Variants in GNB1L observed in about 807,000 individuals in gnomAD.
The protein encoded by GNB1L is guanine nucleotide-binding protein subunit beta-like protein 1.
A neutral mutation model predicts 29.1 loss-of-function variants in GNB1L; 20 were observed. The observed-to-expected ratio is 0.69, with a 90% CI of 0.48 to 1.00. The LOEUF (loss-of-function observed/expected upper bound fraction) is 1.00. Ranked by LOEUF, GNB1L falls within the 50% of genes least tolerant of loss-of-function variation. GNB1L has a pLI of 0.00. For missense variants in GNB1L, 421 were observed against 464.9 expected (o/e 0.91, Z 0.87); for synonymous variants, 193 against 206.5 (o/e 0.93, Z 0.56).
intron 2 of GNB1L, chr22:19,848,981 G>A: frequency 1.0e-6 from 1 of 985,616 alleles, no homozygotes; most frequent in Non-Finnish European, 1.2e-6. Flanking sequence ...AGGCCACAGT[G>A]CACTGGAGGT....
At chr22:19,801,832 C>T (rs1937375605) in intron 7 of GNB1L, among the ~76,000 whole-genome samples, 169 bp downstream of exon 7, 1 of 152,210 alleles carries the variant, frequency 6.6e-6, no homozygotes, top group African/African-American at 2.4e-5. Context: ...CCAGCGCCCA[C>T]GCCCCCTTCT....
chr22:19,802,686 T>C (rs1311850041), intron 6 of GNB1L, among the ~76,000 whole-genome samples: 2 of 152,238 alleles, frequency 1.3e-5, no homozygotes, highest in African/African-American at 4.8e-5. Flanking sequence ...TTACTGGGGC[T>C]GGTCACCTGT....
chr22:19,806,716 G>A lies in GNB1L; in HGVS notation c.459C>T (p.Ala153=), dbSNP rs1430809892. 6.2e-7 allele frequency: 1 copy of A among 1,613,728 alleles called. No individual in the cohort carries two copies. Among genetic ancestry groups the A allele is most frequent in the East Asian group, 2.2e-5 (1 of 44,892 alleles). ...GCTTGGCATCTGCCTTCGGCTTCAG[G>A]GCGCACACTGACGTCTTGGAGGGCA... The part of the protein sequence containing the change: ...LEMPSKTSVC[A]LKPKADAKLG... The change falls in exon 6 of 8, where the codon GCC becomes GCT. Residue 153 remains alanine, a synonymous_variant. Coordinates refer to ENST00000329517, the MANE Select transcript of GNB1L (RefSeq NM_053004.3).
At chr22:19,826,050 A>G (rs1937617516) in intron 2 of GNB1L, among the ~76,000 whole-genome samples, 1 of 152,366 alleles carries the variant, frequency 6.6e-6, no homozygotes, top group East Asian at 1.9e-4. Flanking sequence ...ACTAAGTAAA[A>G]GTGCAGCCTC....
At chr22:19,831,374 A>AC (rs1937677460) in intron 2 of GNB1L, among the ~76,000 whole-genome samples, 1 of 151,394 alleles carries the variant, frequency 6.6e-6, no homozygotes, top group African/African-American at 2.4e-5. Flanking sequence ...AAAAAAAAAA[A>AC]AAAACAATAA....
chr22:19,848,042 T>C, intron 2 of GNB1L: 3 of 985,454 alleles, frequency 3.0e-6, no homozygotes, highest in Non-Finnish European at 3.6e-6. Context: ...AAGTCCTCTA[T>C]TCTCTGCTCA....
chr22:19,840,700 C>G (rs1304915504), intron 2 of GNB1L, among the ~76,000 whole-genome samples: 1 of 152,018 alleles, frequency 6.6e-6, no homozygotes, highest in Non-Finnish European at 1.5e-5. Context: ...ATCCCAGCTA[C>G]TGGGGAGGCT....
chr22:19,851,414 C>G, intron 2 of GNB1L: 1 of 1,613,994 alleles, frequency 6.2e-7, no homozygotes, highest in Non-Finnish European at 8.5e-7. Context: ...TTCCACAGGA[C>G]CAGGCTTGGA....
In GNB1L at chr22:19,802,462, T is replaced by C. The variant is rs112260496; in HGVS notation, c.517-246A>G. Reference sequence around the variant, plus strand: ...TTAGGGCACCCCAAGGACATAGGGGTGGAGGGCAGAGAGCCAAGCCCAAGG... The same window carrying C: ...TTAGGGCACCCCAAGGACATAGGGGCGGAGGGCAGAGAGCCAAGCCCAAGG... On this transcript the variant is annotated intron_variant, in intron 6 of 7. Coordinates refer to ENST00000329517, the MANE Select transcript of GNB1L (RefSeq NM_053004.3). Among the ~76,000 whole-genome samples, 414 of 152,190 alleles carry C rather than the reference T, an allele frequency of 2.7e-3. 4 individuals carry two copies. The highest frequency in any genetic ancestry group is 8.8e-3 in the African/African-American group (364 of 41,530).
At position 19,847,804 on chromosome 22, in the gene GNB1L, C is replaced by G. The variant is rs73877361; in HGVS notation, c.-21+6639G>C. On this transcript the variant is annotated intron_variant, in intron 2 of 7. Coordinates refer to ENST00000329517, the MANE Select transcript of GNB1L (RefSeq NM_053004.3). ...ACTTTTAAAATCCTGGAATCATAGGCAAAAAAAAAAAAAAAAAAAAATTCA... is the reference window on the plus strand; with the variant it reads ...ACTTTTAAAATCCTGGAATCATAGGGAAAAAAAAAAAAAAAAAAAAATTCA... The G allele has an allele frequency of 2.0e-5, 12 of 612,398 alleles. No individual in the cohort carries two copies. In the African/African-American group the frequency reaches 3.1e-4, roughly 16 times the overall value. The allele number at this position is 612,398 out of a possible 1,614,324, so 37.9% of individuals were successfully genotyped here.
chr22:19,821,914 G>T (rs1343360624), intron 2 of GNB1L, among the ~76,000 whole-genome samples: 2 of 152,190 alleles, frequency 1.3e-5, no homozygotes, highest in Non-Finnish European at 2.9e-5. Context: ...TCTGTCCAGG[G>T]CTCACTCCAG....
intron 2 of GNB1L, among the ~76,000 whole-genome samples, chr22:19,835,761 T>C (rs1033870749): frequency 3.3e-5 from 5 of 152,152 alleles, no homozygotes; most frequent in African/African-American, 9.7e-5. Context: ...AACAGCAAGA[T>C]AATGAAAATC....
intron 5 of GNB1L, among the ~76,000 whole-genome samples, chr22:19,809,579 C>G (rs977867410): frequency 6.6e-6 from 1 of 152,216 alleles, no homozygotes; most frequent in African/African-American, 2.4e-5. Context: ...CCCTGTAACA[C>G]ACACTCACTG....
chr22:19,845,021 C>T (rs1322001338), intron 2 of GNB1L, among the ~76,000 whole-genome samples: 2 of 152,202 alleles, frequency 1.3e-5, no homozygotes, highest in Non-Finnish European at 2.9e-5. Flanking sequence ...GCCCTGGAAA[C>T]TTGGTCGGAG....
At chr22:19,833,869 G>A (rs1010924141) in intron 2 of GNB1L, among the ~76,000 whole-genome samples, 3 of 150,046 alleles carry the variant, frequency 2.0e-5, no homozygotes, top group Non-Finnish European at 4.4e-5. Context: ...CCGTCTCAAA[G>A]AGAAAAACAA....
At position 19,812,387 on chromosome 22, in the gene GNB1L, C is replaced by T. The variant is rs2145875699; in HGVS notation, c.315G>A (p.Val105=). The change falls in exon 5 of 8, where the codon GTG becomes GTA. Residue 105 remains valine (V), a synonymous_variant. Coordinates refer to ENST00000329517, the MANE Select transcript of GNB1L (RefSeq NM_053004.3). ...CCACACTCTCCAAGCACACGGAGTC[C>T]ACGACAGCGCTCCTGCCCTCCGCGA... The part of the protein sequence containing the change: ...WDLAEGRSAV[V]DSVCLESVGF... 1 of 1,613,470 alleles carries T rather than the reference C, an allele frequency of 6.2e-7. No individual in the cohort carries two copies. Among genetic ancestry groups the T allele is most frequent in the Non-Finnish European group, 8.5e-7 (1 of 1,179,950 alleles).
intron 2 of GNB1L, among the ~76,000 whole-genome samples, chr22:19,838,145 C>T (rs1937797249): frequency 1.3e-5 from 2 of 152,148 alleles, no homozygotes; most frequent in African/African-American, 4.8e-5. Context: ...TTTTTGTGCT[C>T]ATTAAAGGAA....
chr22:19,820,675 C>T lies in GNB1L; in HGVS notation c.177G>A (p.Ala59=), dbSNP rs776216882. 89 of 1,613,478 alleles carry T rather than the reference C, an allele frequency of 5.5e-5. No homozygotes were observed. The highest frequency in any genetic ancestry group is 1.7e-4 in the Admixed American group (10 of 60,000). ...CGCCGTGGCCATCCAGGGTGGTAAC[C>T]GCTCTCCGCGTCTGCAGGCTCCAGA... is the stretch of plus-strand genomic sequence containing the variant. ...VHIWSLQTRR[A]VTTLDGHGGQ... The change falls in exon 4 of 8, where the codon GCG becomes GCA. Residue 59 remains alanine (A), a synonymous_variant. Coordinates refer to ENST00000329517, the MANE Select transcript of GNB1L (RefSeq NM_053004.3).
rs1442230174 is a variant in GNB1L at position 19,785,827 on chromosome 22, G to A, written c.*2882C>T. The A allele has an allele frequency of 7.0e-6, 1 of 143,414 alleles. No homozygotes were observed. Among genetic ancestry groups the A allele is most frequent in the Non-Finnish European group, 1.5e-5 (1 of 64,532 alleles). The allele number at this position is 143,414 out of a possible 1,614,324, so 8.9% of individuals were successfully genotyped here. A position where few individuals can be genotyped will look rare whatever the true frequency, so the allele number is the denominator to read the frequency against. ...ATCTTTTCCAAGCTGGATGTCTGGA[G>A]CTGAGACCGTTTCTTCTTCTGTTGT... On this transcript the variant is annotated 3_prime_UTR_variant, in exon 8 of 8. Coordinates refer to ENST00000329517, the MANE Select transcript of GNB1L (RefSeq NM_053004.3). This position sits in a 1 kb window ranked among gnomAD's most constrained non-coding sequence, Gnocchi z 4.1.
Sources: allele counts gnomAD v4.1 joint callset (sites outside exome capture counted in the v4.1 genomes callset), GRCh38; gene constraint gnomAD v4.1.1; non-coding constraint Gnocchi (gnomAD v3.1); transcripts MANE v1.5; gene names NCBI Gene and HGNC (gene_info 2026-07-23, HGNC 2026-07-21).